ODF2: variants seen among roughly 807,000 people sequenced by gnomAD.
ODF2 encodes outer dense fiber of sperm tails 2.
A neutral mutation model predicts 110.2 loss-of-function variants in ODF2; 47 were observed. That is an observed-to-expected ratio of 0.43 (90% CI 0.34 to 0.54). ODF2 has a LOEUF of 0.54. Among genes scored for constraint, ODF2 ranks in the 20% least tolerant of loss-of-function variants. ODF2 has a pLI of 0.03. For synonymous variants in ODF2, 352 were observed against 397.7 expected, an observed-to-expected ratio of 0.89 and a Z score of 1.37; for missense variants, 812 against 1,054.5, an observed-to-expected ratio of 0.77 and a Z score of 3.19.
At chr9:128,476,786 G>A (rs565301606) in intron 8 of ODF2, among the ~76,000 whole-genome samples, 3 of 151,104 alleles carry the variant, frequency 2.0e-5, no homozygotes, top group East Asian at 4.0e-4. Flanking sequence ...TTACAGGTGC[G>A]TGCCACCATG....
At chr9:128,492,629 T>C (rs1844829037) in intron 15 of ODF2, 72 bp from the exon 16 acceptor site, 2 of 1,528,338 alleles carry the variant, frequency 1.3e-6, no homozygotes, top group East Asian at 2.3e-5. Context: ...CCAGGGAGGG[T>C]TGGGTATGGA....
intron 14 of ODF2, among the ~76,000 whole-genome samples, chr9:128,488,267 A>G (rs961845210): frequency 1.3e-5 from 2 of 151,990 alleles, no homozygotes; most frequent in African/African-American, 4.8e-5. Flanking sequence ...TCTGCAAAAC[A>G]TACAAAAAGT....
intron 10 of ODF2, 89 bp downstream of exon 10, chr9:128,482,976 AC>A: frequency 1.0e-6 from 1 of 979,968 alleles, no homozygotes; most frequent in Non-Finnish European, 1.5e-6. Flanking sequence ...GCTCGCTGCA[AC>A]CTCTGCCTCC....
chr9:128,498,897 G>A (rs1175657444), intron 19 of ODF2, 104 bp from the exon 20 acceptor site: 3 of 1,438,146 alleles, frequency 2.1e-6, no homozygotes, highest in Non-Finnish European at 2.9e-6. Flanking sequence ...ACAATGATGT[G>A]CAAGTGCTGT....
At chr9:128,470,190 A>G (rs2131721825) in intron 5 of ODF2, among the ~76,000 whole-genome samples, 1 of 150,510 alleles carries the variant, frequency 6.6e-6, no homozygotes, top group African/African-American at 2.4e-5. Context: ...GGAAATTGGC[A>G]GAGTTGTCAT....
chr9:128,456,381 C>A lies in ODF2; in HGVS notation c.-209+126C>A, dbSNP rs1450059436. 64 of 1,428,528 alleles carry A rather than the reference C, an allele frequency of 4.5e-5. No homozygotes were observed. The South Asian group carries it at 5.8e-4, about 13-fold the overall frequency. The allele number at this position is 1,428,528 out of a possible 1,614,324, so 88.5% of individuals were successfully genotyped here. On this transcript the variant is annotated intron_variant, in intron 1 of 20. Transcript: ENST00000604420. ...GGGTCCTGGGTTCCCCGCCGCGTTGCGCTCGTCCCCCTCCTGTCAGAACCT... is the reference window on the plus strand; with the variant it reads ...GGGTCCTGGGTTCCCCGCCGCGTTGAGCTCGTCCCCCTCCTGTCAGAACCT...
Position 128,470,000 on chromosome 9 carries a change from AAAAAAAAAAAAAAAAAAAATATAT to A in ODF2, c.420+649_420+672del, listed in dbSNP as rs1481585393. On this transcript the variant is annotated intron_variant, in intron 5 of 20. Coordinates refer to ENST00000604420, the Ensembl canonical transcript of ODF2. The stretch of plus-strand genomic sequence containing the variant: ...CTCTGTCTCAAAAAAAAAAAAAAAA[AAAAAAAAAAAAAAAAAAAATATAT>A]ATATATATATATATATATATATAAA... Among the ~76,000 whole-genome samples the A allele has an allele frequency of 6.0e-4, 24 of 39,742 alleles. 2 individuals carry two copies. Among genetic ancestry groups the A allele is most frequent in the African/African-American group, 2.2e-3 (23 of 10,636 alleles). The allele number at this position is 39,742 out of a possible 152,430, so 26.1% of individuals were successfully genotyped here. A position where few individuals can be genotyped will look rare whatever the true frequency, so the allele number is the denominator to read the frequency against.
intron 8 of ODF2, among the ~76,000 whole-genome samples, chr9:128,474,727 C>T (rs1588853952): frequency 6.6e-6 from 1 of 151,574 alleles, no homozygotes; most frequent in Admixed American, 6.6e-5. Flanking sequence ...TTTGGGAGGC[C>T]GAGGCGGGCG....
chr9:128,458,924 A>C (rs929636399), intron 2 of ODF2, among the ~76,000 whole-genome samples: 34 of 151,826 alleles, frequency 2.2e-4, no homozygotes, highest in Non-Finnish European at 4.0e-4. Flanking sequence ...GGCTCACTGC[A>C]GCCTCCACCT....
chr9:128,456,160 A>G, exon 1 of ODF2: 3 of 1,549,268 alleles, frequency 1.9e-6, no homozygotes, highest in South Asian at 1.2e-5. Context: ...CCAGAGCCAG[A>G]CTGCATCCGC....
At chr9:128,493,911 C>T (rs1384582765) in intron 16 of ODF2, among the ~76,000 whole-genome samples, 2 of 152,208 alleles carry the variant, frequency 1.3e-5, no homozygotes, top group Non-Finnish European at 2.9e-5. Context: ...TCTCCTGCCT[C>T]AGCGTCCCAA....
intron 20 of ODF2, 125 bp from the exon 21 acceptor site, chr9:128,499,942 A>G: frequency 2.3e-6 from 2 of 875,952 alleles, no homozygotes. Flanking sequence ...CCCCATACCC[A>G]TTAGAAGTCA....
intron 9 of ODF2, 85 bp downstream of exon 9, chr9:128,481,736 A>G: frequency 9.2e-7 from 1 of 1,082,654 alleles, no homozygotes; most frequent in Non-Finnish European, 1.4e-6. Flanking sequence ...TGCTTGGATC[A>G]AGGCAGGAGG....
At chr9:128,473,369 CTG>C (rs774257859) in intron 7 of ODF2, 81 of 684,132 alleles carry the variant, frequency 1.2e-4, no homozygotes, top group Non-Finnish European at 1.4e-4. Context: ...TCTGCCCTGA[CTG>C]TGCTCACCCA....
chr9:128,485,009 A>C lies in ODF2; in HGVS notation c.1290+123A>C, dbSNP rs549180181. ...TGGATGAGGGATGGTAGTGGTGGAAAGGATAGATGGCTGGGGAGGAGGGAG... is the reference window on the plus strand; with the variant it reads ...TGGATGAGGGATGGTAGTGGTGGAACGGATAGATGGCTGGGGAGGAGGGAG... On this transcript the variant is annotated intron_variant, in intron 12 of 20. Coordinates refer to ENST00000604420, the Ensembl canonical transcript of ODF2. This position sits in a 1 kb window ranked among gnomAD's most constrained non-coding sequence, Gnocchi z 5.0. 9.6e-7 allele frequency: 1 copy of C among 1,046,682 alleles called. No individual in the cohort carries two copies. The highest frequency in any genetic ancestry group is 1.6e-5 in the African/African-American group (1 of 63,332). 64.8% of individuals were successfully genotyped at this position (1,046,682 alleles called of 1,614,324 possible).
At chr9:128,466,065 T>C (rs772145945) in intron 4 of ODF2, among the ~76,000 whole-genome samples, 1 of 150,184 alleles carries the variant, frequency 6.7e-6, no homozygotes, top group South Asian at 2.1e-4. Flanking sequence ...CTTAAGCCCA[T>C]GAGGCGGAGG....
upstream of ODF2, chr9:128,455,895 G>C: frequency 7.8e-7 from 1 of 1,288,740 alleles, no homozygotes; most frequent in South Asian, 1.7e-5. Context: ...AGGGGAAACA[G>C]GGCCGAGCGG....
rs1588988395 is a variant in ODF2, at chr9:128,494,445, C to G, written c.1753-65C>G. ...CTCTAAAGGACTCTGCCTGGCTCCA[C>G]TAGGAGCCAGGTCTTTCCTAACTGT... On this transcript the variant is annotated intron_variant, in intron 16 of 20. Coordinates refer to ENST00000604420, the Ensembl canonical transcript of ODF2. This position sits in a 1 kb window ranked among gnomAD's most constrained non-coding sequence, Gnocchi z 4.6. The G allele has an allele frequency of 2.7e-6, 4 of 1,470,984 alleles. No homozygotes were observed. Among genetic ancestry groups the G allele is most frequent in the Non-Finnish European group, 1.9e-6 (2 of 1,054,596 alleles). The allele number at this position is 1,470,984 out of a possible 1,614,324, so 91.1% of individuals were successfully genotyped here.
At chr9:128,460,741 C>G (rs904146889) in intron 3 of ODF2, 75 bp downstream of exon 3, 2 of 1,580,384 alleles carry the variant, frequency 1.3e-6, no homozygotes, top group African/African-American at 1.3e-5. Flanking sequence ...TCCTCGCACT[C>G]TGACTCCAAA....
Sources: allele counts gnomAD v4.1 joint callset (sites outside exome capture counted in the v4.1 genomes callset), GRCh38; gene constraint gnomAD v4.1.1; non-coding constraint Gnocchi (gnomAD v3.1); transcripts MANE v1.5; gene names NCBI Gene and HGNC (gene_info 2026-07-23, HGNC 2026-07-21).